The following MCM9 variants were observed in gnomAD, a reference collection of about 807,000 sequenced individuals.
MCM9 encodes the protein minichromosome maintenance 9 homologous recombination repair factor, also known as DNA helicase MCM9.
A neutral mutation model predicts 72.8 loss-of-function variants in MCM9; 55 were observed. The ratio of observed to expected loss-of-function variants is 0.76; its 90% CI spans 0.61 to 0.95. The LOEUF (loss-of-function observed/expected upper bound fraction) is 0.95, where lower values mean the gene tolerates loss of function less well. Among genes scored for constraint, MCM9 ranks in the 40% least tolerant of loss-of-function variants. The probability of loss-of-function intolerance (pLI) is 0.00; values close to 1 mark genes in which losing one functional copy is unlikely to be tolerated. For synonymous variants in MCM9, 480 were observed against 503.4 expected, an observed-to-expected ratio of 0.95 and a Z score of 0.62; for missense variants, 1,279 against 1,377.0, an observed-to-expected ratio of 0.93 and a Z score of 1.13.
Position 118,931,680 on chromosome 6 carries a change from GA to G in MCM9, c.43del (p.Ser15HisfsTer13), listed in dbSNP as rs1782443675. ...ATTCTTATGGTATTCCGAAACATAT[GA>G]CTCAAACACTTGACCAACCAGTGTA... ...QVTLVGQVFE[S>X]YVSEYHKNDI... On this transcript the variant is annotated frameshift_variant, in exon 3 of 14. Transcript: ENST00000619706. LOFTEE classifies it high-confidence loss of function. The G allele has an allele frequency of 2.5e-6, 4 of 1,613,548 alleles. No individual in the cohort carries two copies. Among genetic ancestry groups the G allele is most frequent in the Admixed American group, 3.3e-5 (2 of 59,970 alleles).
At chr6:118,918,066 T>C in intron 5 of MCM9, 1 of 358,884 alleles carries the variant, frequency 2.8e-6, no homozygotes. Context: ...GGATGATTCA[T>C]TCATCACAGT....
At chr6:118,873,757 A>ATGAT (rs1207250466) in intron 8 of MCM9, among the ~76,000 whole-genome samples, 1 of 152,214 alleles carries the variant, frequency 6.6e-6, no homozygotes, top group African/African-American at 2.4e-5. Context: ...GGCAGAGGGA[A>ATGAT]TGATTCCTAG....
At chr6:118,853,735 G>A (rs1776374934) in intron 9 of MCM9, among the ~76,000 whole-genome samples, 1 of 152,176 alleles carries the variant, frequency 6.6e-6, no homozygotes, top group South Asian at 2.1e-4. Flanking sequence ...GGAGTTCAAG[G>A]CTGCAGTGAG....
intron 9 of MCM9, among the ~76,000 whole-genome samples, chr6:118,846,443 G>A (rs533453235): frequency 5.3e-5 from 8 of 151,820 alleles, no homozygotes; most frequent in Admixed American, 1.3e-4. Flanking sequence ...AAAATGCCAG[G>A]AGGAGGAGAG....
At position 118,848,691 on chromosome 6, in the gene MCM9, A is replaced by G. The variant is rs531892968; in HGVS notation, c.1325+7680T>C. Among the ~76,000 whole-genome samples, 3 of 152,220 alleles carry G rather than the reference A, an allele frequency of 2.0e-5. No individual in the cohort carries two copies. The East Asian group carries it at 5.8e-4, about 29-fold the overall frequency. ...GTAATCCTAGCACTTTGGGAGGCTGAGGCAGGCAGATTGCCTGAGCTCAGG... is the reference window on the plus strand; with the variant it reads ...GTAATCCTAGCACTTTGGGAGGCTGGGGCAGGCAGATTGCCTGAGCTCAGG... On this transcript the variant is annotated intron_variant, in intron 9 of 13. Coordinates refer to ENST00000619706, the MANE Select transcript of MCM9 (RefSeq NM_017696.3).
intron 9 of MCM9, among the ~76,000 whole-genome samples, chr6:118,837,007 T>C (rs1775008535): frequency 1.3e-5 from 2 of 152,234 alleles, no homozygotes; most frequent in Admixed American, 6.5e-5. Context: ...GATGTGGGCA[T>C]TTAGTGCTAT....
chr6:118,835,889 C>T (rs1049424938), intron 9 of MCM9, among the ~76,000 whole-genome samples: 1 of 152,062 alleles, frequency 6.6e-6, no homozygotes, highest in Admixed American at 6.5e-5. Context: ...ACTATGTTGA[C>T]TAGGAGTGGT....
intron 3 of MCM9, among the ~76,000 whole-genome samples, chr6:118,930,392 G>A (rs567054124): frequency 9.5e-4 from 144 of 152,284 alleles, no homozygotes; most frequent in African/African-American, 3.2e-3. Flanking sequence ...GATTACAGGC[G>A]TGAGCCACCG....
At chr6:118,897,296 G>A (rs1267493611) in intron 8 of MCM9, among the ~76,000 whole-genome samples, 1 of 152,104 alleles carries the variant, frequency 6.6e-6, no homozygotes, top group Admixed American at 6.6e-5. Context: ...AAAAAGCCTT[G>A]AGGAATATTT....
At chr6:118,889,953 G>C (rs1017032023) in intron 8 of MCM9, among the ~76,000 whole-genome samples, 18 of 152,274 alleles carry the variant, frequency 1.2e-4, no homozygotes, top group Admixed American at 1.0e-3. Flanking sequence ...GAAGGGGAGA[G>C]GGTACGCTAT....
intron 8 of MCM9, chr6:118,900,990 C>G (rs1779765719): frequency 5.4e-6 from 4 of 746,974 alleles, no homozygotes; most frequent in Non-Finnish European, 9.2e-6. Flanking sequence ...AGAACTGCTT[C>G]TGCTGCATTC....
At chr6:118,843,673 T>TACAC (rs1491145219) in intron 9 of MCM9, among the ~76,000 whole-genome samples, 1 of 29,804 alleles carries the variant, frequency 3.4e-5, no homozygotes, top group African/African-American at 1.1e-4. Context: ...TATATATGTA[T>TACAC]GTATATATAT....
chr6:118,869,496 G>A (rs544085437), intron 8 of MCM9, among the ~76,000 whole-genome samples: 8 of 145,982 alleles, frequency 5.5e-5, no homozygotes, highest in South Asian at 2.3e-4. Context: ...CAGAACAAAC[G>A]CCTATAACAG....
intron 8 of MCM9, among the ~76,000 whole-genome samples, chr6:118,867,261 A>G (rs1461187882): frequency 6.6e-6 from 1 of 152,208 alleles, no homozygotes; most frequent in African/African-American, 2.4e-5. Context: ...CTACATAATG[A>G]CATCAACAGT....
chr6:118,862,200 G>A (rs568133622), intron 8 of MCM9, among the ~76,000 whole-genome samples: 2 of 152,346 alleles, frequency 1.3e-5, no homozygotes, highest in South Asian at 2.1e-4. Flanking sequence ...CCCCAAGAGT[G>A]CAGGGATGCC....
intron 5 of MCM9, chr6:118,919,252 C>G (rs769477358): frequency 1.3e-5 from 2 of 152,152 alleles, no homozygotes; most frequent in Non-Finnish European, 2.9e-5. Context: ...GTGGAAAATA[C>G]AGAGCACTGA....
At chr6:118,882,849 C>G (rs959359214) in intron 8 of MCM9, among the ~76,000 whole-genome samples, 2 of 151,888 alleles carry the variant, frequency 1.3e-5, no homozygotes, top group South Asian at 4.1e-4. Flanking sequence ...GGATAAAAAA[C>G]GAGGCCTGGA....
chr6:118,852,846 T>C (rs1021857880), intron 9 of MCM9, among the ~76,000 whole-genome samples: 3 of 152,330 alleles, frequency 2.0e-5, no homozygotes, highest in African/African-American at 7.2e-5. Context: ...TTTTTCTCCT[T>C]ACAGTTTAGC....
chr6:118,890,522 T>C (rs1249010842), intron 8 of MCM9, among the ~76,000 whole-genome samples: 1 of 152,246 alleles, frequency 6.6e-6, no homozygotes, highest in Non-Finnish European at 1.5e-5. Flanking sequence ...TTTCGCATCA[T>C]ACTTATTTGA....
Sources: allele counts gnomAD v4.1 joint callset (sites outside exome capture counted in the v4.1 genomes callset), GRCh38; gene constraint gnomAD v4.1.1; transcripts MANE v1.5; gene names NCBI Gene and HGNC (gene_info 2026-07-23, HGNC 2026-07-21).